The following PCDH7 variants were observed in gnomAD, a reference collection of about 807,000 sequenced individuals.
PCDH7 encodes protocadherin-7.
PCDH7 carries 17 observed loss-of-function variants against 58.9 expected under a neutral mutation model. The observed-to-expected ratio is 0.29, with a 90% CI of 0.20 to 0.43. PCDH7 has a LOEUF of 0.43. Among genes scored for constraint, PCDH7 ranks in the 20% least tolerant of loss-of-function variants. PCDH7 has a pLI of 1.00. For missense variants in PCDH7, 1,274 were observed against 1,441.0 expected (o/e 0.88, Z 1.88); for synonymous variants, 664 against 616.4 (o/e 1.08, Z -1.14).
chr4:31,023,867 A>G (rs1291887457), intron 3 of PCDH7, among the ~76,000 whole-genome samples: 1 of 152,198 alleles, frequency 6.6e-6, no homozygotes, highest in Non-Finnish European at 1.5e-5. Flanking sequence ...AGTTGAATAC[A>G]GAAGGAATGT....
At chr4:31,146,758 A>T (rs1037924944), downstream of PCDH7, 1 of 152,106 alleles carries the variant, frequency 6.6e-6, no homozygotes, top group Non-Finnish European at 1.5e-5. Flanking sequence ...ATTGCTTGTC[A>T]TTTTTGTCTC....
chr4:31,060,301 A>G (rs1031961821), intron 3 of PCDH7, among the ~76,000 whole-genome samples: 1 of 151,732 alleles, frequency 6.6e-6, no homozygotes, highest in Non-Finnish European at 1.5e-5. Flanking sequence ...GTACTCACTG[A>G]CTGTTTATTT....
intron 3 of PCDH7, among the ~76,000 whole-genome samples, chr4:31,046,375 A>T (rs1241768367): frequency 1.3e-5 from 2 of 151,924 alleles, no homozygotes; most frequent in Non-Finnish European, 2.9e-5. Flanking sequence ...TGGACCAATG[A>T]CTTCTCTTCT....
At chr4:30,988,524 G>A (rs1439480004) in intron 3 of PCDH7, among the ~76,000 whole-genome samples, 1 of 151,912 alleles carries the variant, frequency 6.6e-6, no homozygotes, top group Non-Finnish European at 1.5e-5. Flanking sequence ...TAGTACACAG[G>A]CCTTGGATTG....
At chr4:30,860,551 C>T (rs563267055) in intron 1 of PCDH7, among the ~76,000 whole-genome samples, 1 of 152,098 alleles carries the variant, frequency 6.6e-6, no homozygotes, top group East Asian at 1.9e-4. Context: ...TTTCGGCAGC[C>T]TATATGAACA....
rs150049160 is a variant in PCDH7 at position 31,112,468 on chromosome 4, A to T, written c.*8-30005A>T. On this transcript the variant is annotated intron_variant, in intron 3 of 3. Coordinates refer to the PCDH7 transcript ENST00000509759. ...TATTTAATAATTACTACTAAAAACCAAAGCTATTTTAATCTCTACTTAACA... is the reference window on the plus strand; with the variant it reads ...TATTTAATAATTACTACTAAAAACCTAAGCTATTTTAATCTCTACTTAACA... Among the ~76,000 whole-genome samples the T allele has an allele frequency of 6.2e-3, 943 of 152,330 alleles. 7 individuals carry two copies. Among genetic ancestry groups the T allele is most frequent in the African/African-American group, 0.021 (877 of 41,586 alleles).
chr4:30,889,621 G>C (rs929897735), intron 1 of PCDH7, among the ~76,000 whole-genome samples: 1 of 152,112 alleles, frequency 6.6e-6, no homozygotes, highest in Admixed American at 6.6e-5. Flanking sequence ...CTAGAGGCTG[G>C]AAAATTCAAG....
At chr4:30,967,221 T>A (rs2109467765) in intron 3 of PCDH7, among the ~76,000 whole-genome samples, 1 of 150,086 alleles carries the variant, frequency 6.7e-6, no homozygotes, top group African/African-American at 2.4e-5. Context: ...GAAAAAAAAA[T>A]CAGTCATAAA....
chr4:30,867,236 C>T lies in PCDH7; in HGVS notation c.71-52917C>T, dbSNP rs144429938. On this transcript the variant is annotated intron_variant, in intron 1 of 3. Coordinates refer to the PCDH7 transcript ENST00000509759. The stretch of plus-strand genomic sequence containing the variant: ...TTAGTTCTGATTTGATTTGTTTATC[C>T]TGTGTAGAATTAGTCTCTGTATGCT... Among the ~76,000 whole-genome samples, 495 of 152,044 alleles carry T rather than the reference C, an allele frequency of 3.3e-3. 2 individuals carry two copies. Among genetic ancestry groups the T allele is most frequent in the African/African-American group, 0.012 (480 of 41,490 alleles).
At chr4:30,978,242 T>C (rs1750248982) in intron 3 of PCDH7, among the ~76,000 whole-genome samples, 1 of 152,222 alleles carries the variant, frequency 6.6e-6, no homozygotes, top group South Asian at 2.1e-4. Context: ...GTCCTGCCTC[T>C]GCCTCCAGAA....
intron 3 of PCDH7, among the ~76,000 whole-genome samples, chr4:31,047,704 CAA>C (rs1756397897): frequency 6.6e-6 from 1 of 151,990 alleles, no homozygotes; most frequent in Admixed American, 6.6e-5. Context: ...GTTGCTTTGT[CAA>C]GTTTGTCATA....
intron 3 of PCDH7, among the ~76,000 whole-genome samples, chr4:31,041,730 C>T (rs550342995): frequency 3.9e-5 from 6 of 152,150 alleles, no homozygotes; most frequent in South Asian, 2.1e-4. Context: ...GTTTATGTAG[C>T]GTTTTCATCC....
chr4:31,020,129 A>C (rs1315094170), intron 3 of PCDH7, among the ~76,000 whole-genome samples: 5 of 152,128 alleles, frequency 3.3e-5, no homozygotes, highest in Admixed American at 3.3e-4. Flanking sequence ...ACAAACAAAA[A>C]CTAACCTAAT....
chr4:30,838,206 C>A (rs185107503), intron 1 of PCDH7, among the ~76,000 whole-genome samples: 257 of 151,940 alleles, frequency 1.7e-3, no homozygotes, highest in African/African-American at 5.9e-3. Context: ...GCTTTGAGGC[C>A]CTTGCTGAAT....
intron 1 of PCDH7, among the ~76,000 whole-genome samples, chr4:30,855,251 T>C (rs750162637): frequency 6.6e-6 from 1 of 152,106 alleles, no homozygotes; most frequent in Non-Finnish European, 1.5e-5. Context: ...AATGAACACT[T>C]TGTAAAGATG....
chr4:30,954,698 C>T (rs761396822), intron 3 of PCDH7, among the ~76,000 whole-genome samples: 1 of 152,120 alleles, frequency 6.6e-6, no homozygotes, highest in Non-Finnish European at 1.5e-5. Context: ...AATCACTTAA[C>T]CTCTCAAGAC....
At chr4:30,785,627 C>G (rs369090979) in intron 1 of PCDH7, among the ~76,000 whole-genome samples, 2 of 151,866 alleles carry the variant, frequency 1.3e-5, no homozygotes, top group Non-Finnish European at 2.9e-5. Flanking sequence ...GTTCTCTAAA[C>G]GATTAATTTT....
downstream of PCDH7, among the ~76,000 whole-genome samples, chr4:30,735,276 C>T (rs1197789235): frequency 2.0e-5 from 3 of 152,246 alleles, no homozygotes; most frequent in South Asian, 2.1e-4. Flanking sequence ...GATATTATTC[C>T]TTCGTTGTGC....
At chr4:30,900,805 T>C (rs1301184879) in intron 1 of PCDH7, among the ~76,000 whole-genome samples, 1 of 152,136 alleles carries the variant, frequency 6.6e-6, no homozygotes, top group East Asian at 1.9e-4. Context: ...AGAAGGAACT[T>C]GCATTTGATC....
Sources: allele counts gnomAD v4.1 joint callset (sites outside exome capture counted in the v4.1 genomes callset), GRCh38; gene constraint gnomAD v4.1.1; transcripts MANE v1.5; gene names NCBI Gene and HGNC (gene_info 2026-07-23, HGNC 2026-07-21).